LRP12: variants seen among roughly 807,000 people sequenced by gnomAD.
LRP12 encodes LDL receptor related protein 12, also known as low-density lipoprotein receptor-related protein 12.
A neutral mutation model predicts 66.0 loss-of-function variants in LRP12; 14 were observed. The ratio of observed to expected loss-of-function variants is 0.21; its 90% confidence interval spans 0.14 to 0.33. The LOEUF is 0.33. LRP12 is among the 10% of genes least tolerant of loss of function. The pLI, the probability that LRP12 is intolerant of heterozygous loss-of-function variation, is 1.00. For missense variants in LRP12, 889 were observed against 1,053.4 expected (o/e 0.84, Z 2.16); for synonymous variants, 357 against 359.1 (o/e 0.99, Z 0.07).
At chr8:104,526,315 G>A (rs1811237620) in intron 2 of LRP12, among the ~76,000 whole-genome samples, 1 of 151,994 alleles carries the variant, frequency 6.6e-6, no homozygotes, top group African/African-American at 2.4e-5. Flanking sequence ...TTCCTTCACA[G>A]AATTGGAAAA....
chr8:104,511,321 C>A (rs1349884835), intron 2 of LRP12, among the ~76,000 whole-genome samples: 1 of 151,326 alleles, frequency 6.6e-6, no homozygotes, highest in Non-Finnish European at 1.5e-5. Context: ...GGATTACAGG[C>A]GTGAGCCACC....
chr8:104,539,420 G>T (rs1309744782), intron 1 of LRP12, among the ~76,000 whole-genome samples: 1 of 152,048 alleles, frequency 6.6e-6, no homozygotes, highest in Non-Finnish European at 1.5e-5. Context: ...CCTAGGTTTT[G>T]GGTACATAGG....
At chr8:104,533,645 G>A (rs1013590696) in intron 1 of LRP12, among the ~76,000 whole-genome samples, 5 of 152,000 alleles carry the variant, frequency 3.3e-5, no homozygotes, top group Non-Finnish European at 7.4e-5. Flanking sequence ...GTATCTGTAA[G>A]ATAGCATATT....
intron 1 of LRP12, among the ~76,000 whole-genome samples, chr8:104,569,297 TAC>T (rs1267884946): frequency 1.3e-5 from 2 of 152,176 alleles, no homozygotes; most frequent in East Asian, 3.8e-4. Context: ...TGTTAATAGG[TAC>T]AGAGTTTCCT....
At chr8:104,555,798 C>T (rs935179528) in intron 1 of LRP12, among the ~76,000 whole-genome samples, 1 of 151,962 alleles carries the variant, frequency 6.6e-6, no homozygotes, top group Non-Finnish European at 1.5e-5. Flanking sequence ...CAACTATACC[C>T]TAAAACAAAT....
At chr8:104,559,824 T>C (rs57852403) in intron 1 of LRP12, among the ~76,000 whole-genome samples, 1,688 of 152,204 alleles carry the variant, frequency 0.011, 27 homozygotes, top group African/African-American at 0.039. Context: ...TAAATATGTC[T>C]AGCTACACTA....
chr8:104,562,419 C>T (rs1019148479), intron 1 of LRP12, among the ~76,000 whole-genome samples: 1 of 151,674 alleles, frequency 6.6e-6, no homozygotes, highest in Non-Finnish European at 1.5e-5. Context: ...ATTTAATGTT[C>T]AAAATTAGGA....
At chr8:104,504,335 CCTGGTCTTTACTGCTA>C (rs1810873419) in intron 3 of LRP12, 1 of 151,758 alleles carries the variant, frequency 6.6e-6, no homozygotes. Flanking sequence ...TGCGTATTTT[CCTGGTCTTTACTGCTA>C]CTTTAAAATT....
chr8:104,492,202 T>C (rs1810645438), intron 6 of LRP12, among the ~76,000 whole-genome samples: 1 of 151,678 alleles, frequency 6.6e-6, no homozygotes, highest in Non-Finnish European at 1.5e-5. Flanking sequence ...TATCGACATT[T>C]AGATTCCTTC....
intron 4 of LRP12, among the ~76,000 whole-genome samples, chr8:104,498,957 C>G (rs1810781171): frequency 6.6e-6 from 1 of 152,084 alleles, no homozygotes; most frequent in South Asian, 2.1e-4. Context: ...TTTGTTAGGT[C>G]TTTTCTCTGG....
intron 1 of LRP12, among the ~76,000 whole-genome samples, chr8:104,583,060 C>A (rs1190839694): frequency 6.6e-6 from 1 of 152,084 alleles, no homozygotes; most frequent in African/African-American, 2.4e-5. Flanking sequence ...TCCACTACTA[C>A]TACCTTGGTC....
intron 1 of LRP12, among the ~76,000 whole-genome samples, chr8:104,574,196 TTTTTA>T (rs1488805718): frequency 6.6e-6 from 1 of 152,212 alleles, no homozygotes; most frequent in Non-Finnish European, 1.5e-5. Flanking sequence ...ATCTTACATA[TTTTTA>T]TTTAACATGT....
chr8:104,509,353 T>C (rs1163713768), intron 2 of LRP12, among the ~76,000 whole-genome samples: 1 of 152,192 alleles, frequency 6.6e-6, no homozygotes, highest in East Asian at 1.9e-4. Flanking sequence ...GGTCTGAAAA[T>C]AGTAAATGGA....
At chr8:104,525,423 A>G (rs1811218998) in intron 2 of LRP12, among the ~76,000 whole-genome samples, 1 of 152,178 alleles carries the variant, frequency 6.6e-6, no homozygotes, top group Non-Finnish European at 1.5e-5. Context: ...TTGAGGAGGA[A>G]GAAGATGGAA....
At chr8:104,551,476 G>A (rs1811724502) in intron 1 of LRP12, among the ~76,000 whole-genome samples, 1 of 152,054 alleles carries the variant, frequency 6.6e-6, no homozygotes, top group South Asian at 2.1e-4. Flanking sequence ...CCCAGATAGT[G>A]AGCATAGTAC....
At chr8:104,539,783 T>TA (rs1002442526) in intron 1 of LRP12, among the ~76,000 whole-genome samples, 77 of 151,064 alleles carry the variant, frequency 5.1e-4, no homozygotes, top group African/African-American at 1.7e-3. Flanking sequence ...TGTGAGAAGA[T>TA]AAAAAAAAAT....
chr8:104,571,359 C>T (rs1346193683), intron 1 of LRP12, among the ~76,000 whole-genome samples: 1 of 152,094 alleles, frequency 6.6e-6, no homozygotes, highest in Non-Finnish European at 1.5e-5. Context: ...TATGTCCCCA[C>T]CCAAAATCTC....
chr8:104,575,533 A>G (rs1380238513), intron 1 of LRP12, among the ~76,000 whole-genome samples: 1 of 152,102 alleles, frequency 6.6e-6, no homozygotes, highest in Non-Finnish European at 1.5e-5. Context: ...GCCCCCTAAA[A>G]TCTTCCAGAA....
chr8:104,517,163 A>T (rs1226805996), intron 2 of LRP12, among the ~76,000 whole-genome samples: 1 of 150,644 alleles, frequency 6.6e-6, no homozygotes, highest in Non-Finnish European at 1.5e-5. Flanking sequence ...ACTGAATCCA[A>T]GAAGCATATA....
Sources: allele counts gnomAD v4.1 joint callset (sites outside exome capture counted in the v4.1 genomes callset), GRCh38; gene constraint gnomAD v4.1.1; transcripts MANE v1.5; gene names NCBI Gene and HGNC (gene_info 2026-07-23, HGNC 2026-07-21).